The following SNX29 variants were observed in gnomAD, a reference collection of about 807,000 sequenced individuals.
SNX29 encodes the protein sorting nexin 29, also known as sorting nexin-29.
A neutral mutation model predicts 102.1 loss-of-function variants in SNX29; 78 were observed. The ratio of observed to expected loss-of-function variants is 0.76; its 90% CI spans 0.64 to 0.92. SNX29 has a LOEUF of 0.92. Ranked by LOEUF, SNX29 falls within the 40% of genes least tolerant of loss-of-function variation. The pLI, the probability that SNX29 is intolerant of heterozygous loss-of-function variation, is 0.00. For missense variants in SNX29, 1,280 were observed against 1,061.7 expected (o/e 1.21, Z -2.86); for synonymous variants, 580 against 414.5 (o/e 1.40, Z -4.85).
At chr16:12,086,009 C>CTTT (rs34239419) in intron 11 of SNX29, among the ~76,000 whole-genome samples, 10 of 117,376 alleles carry the variant, frequency 8.5e-5, no homozygotes, top group East Asian at 2.5e-4. Flanking sequence ...CTTGCCAATT[C>CTTT]TTTTTTTTTT....
chr16:12,042,095 AT>A (rs1343283866), intron 4 of SNX29, among the ~76,000 whole-genome samples: 3 of 152,034 alleles, frequency 2.0e-5, no homozygotes, highest in Non-Finnish European at 2.9e-5. Flanking sequence ...CAGTGGTGCA[AT>A]CTCAGCTCAC....
intron 14 of SNX29, among the ~76,000 whole-genome samples, chr16:12,260,095 C>T (rs1025434285): frequency 2.0e-5 from 3 of 152,198 alleles, no homozygotes; most frequent in African/African-American, 7.2e-5. Context: ...TCCATTGTGA[C>T]CTGACCCTAT....
chr16:12,336,304 G>A (rs1052248350), intron 15 of SNX29, among the ~76,000 whole-genome samples: 11 of 152,168 alleles, frequency 7.2e-5, no homozygotes, highest in Admixed American at 2.0e-4. Flanking sequence ...AGCATCCTGC[G>A]TTGACACAGA....
At chr16:12,062,447 T>C (rs2050818771) in intron 9 of SNX29, among the ~76,000 whole-genome samples, 1 of 151,938 alleles carries the variant, frequency 6.6e-6, no homozygotes, top group African/African-American at 2.4e-5. Context: ...GTAAGCATTT[T>C]TGCACCATTC....
intron 18 of SNX29, among the ~76,000 whole-genome samples, chr16:12,475,850 G>A (rs2087567130): frequency 6.6e-6 from 1 of 152,204 alleles, no homozygotes; most frequent in Non-Finnish European, 1.5e-5. Context: ...TATTTCAAAA[G>A]CGGCCAAAAC....
At chr16:12,335,109 C>T (rs762034644) in intron 15 of SNX29, among the ~76,000 whole-genome samples, 5 of 151,896 alleles carry the variant, frequency 3.3e-5, no homozygotes, top group Non-Finnish European at 7.4e-5. Flanking sequence ...GAGCAGGACA[C>T]TTAGCAGCAC....
chr16:12,380,291 C>G (rs2083024920), intron 16 of SNX29, among the ~76,000 whole-genome samples: 4 of 148,646 alleles, frequency 2.7e-5, no homozygotes, highest in Admixed American at 2.7e-4. Context: ...TCTCATCTAC[C>G]CCCCAACACC....
In SNX29 at chr16:12,565,203, C is replaced by T. The variant is rs143993599; in HGVS notation, c.2319-3303C>T. ...CCCCCCACCTTCAGATTCTGCTATT[C>T]AGCCAGACAGCATTACCAGTATTAG... is the stretch of plus-strand genomic sequence containing the variant. On this transcript the variant is annotated intron_variant, in intron 20 of 20. Coordinates refer to ENST00000566228, the MANE Select transcript of SNX29 (RefSeq NM_032167.5). 2.7e-3 allele frequency among the ~76,000 whole-genome samples: 409 copies of T among 152,278 alleles called. 1 individual carries two copies. Among genetic ancestry groups the T allele is most frequent in the African/African-American group, 9.3e-3 (387 of 41,532 alleles).
chr16:12,478,899 A>G (rs2087779830), intron 19 of SNX29, among the ~76,000 whole-genome samples: 1 of 152,188 alleles, frequency 6.6e-6, no homozygotes, highest in Non-Finnish European at 1.5e-5. Context: ...GCTTAGAGTC[A>G]AGAAGGAGAC....
chr16:12,277,832 G>GC, intron 14 of SNX29, 101 bp from the exon 15 acceptor site: 1 of 961,444 alleles, frequency 1.0e-6, no homozygotes, highest in Non-Finnish European at 1.6e-6. Context: ...AGCTTTTTCA[G>GC]TCTGAAGTCA....
chr16:12,200,405 A>T (rs2076883888), intron 14 of SNX29, among the ~76,000 whole-genome samples: 1 of 152,044 alleles, frequency 6.6e-6, no homozygotes, highest in African/African-American at 2.4e-5. Flanking sequence ...CAGCCAAAAG[A>T]CCGTAACAAA....
chr16:12,483,809 A>C (rs1567611007), intron 19 of SNX29, among the ~76,000 whole-genome samples: 2 of 152,190 alleles, frequency 1.3e-5, no homozygotes, highest in African/African-American at 2.4e-5. Flanking sequence ...ATGTGGCAAC[A>C]AGAACAAGGA....
intron 15 of SNX29, among the ~76,000 whole-genome samples, chr16:12,325,815 C>T (rs2081095522): frequency 6.6e-6 from 1 of 151,924 alleles, no homozygotes; most frequent in Non-Finnish European, 1.5e-5. Flanking sequence ...TTGCTTAAGG[C>T]CAGGAGTTCA....
chr16:12,561,426 G>A (rs1324390177), intron 20 of SNX29, among the ~76,000 whole-genome samples: 1 of 152,184 alleles, frequency 6.6e-6, no homozygotes, highest in Non-Finnish European at 1.5e-5. Flanking sequence ...TAGCTGGGTT[G>A]CAGGGATCCA....
intron 11 of SNX29, among the ~76,000 whole-genome samples, chr16:12,112,233 C>G (rs2053528574): frequency 6.6e-6 from 1 of 152,180 alleles, no homozygotes; most frequent in Non-Finnish European, 1.5e-5. Context: ...AGTGCCCAGT[C>G]ACGAGCCACA....
At chr16:12,522,022 GAGA>G (rs957526895) in intron 19 of SNX29, among the ~76,000 whole-genome samples, 1 of 152,094 alleles carries the variant, frequency 6.6e-6, no homozygotes, top group Non-Finnish European at 1.5e-5. Flanking sequence ...GGTGGCTTTG[GAGA>G]AGAAGACTTT....
chr16:12,540,623 G>C (rs1276601897), intron 20 of SNX29, among the ~76,000 whole-genome samples: 4 of 152,182 alleles, frequency 2.6e-5, no homozygotes, highest in African/African-American at 9.7e-5. Flanking sequence ...TGGACCTAAA[G>C]AGTCCAGGAT....
chr16:12,153,593 C>G (rs2055398680), intron 13 of SNX29, among the ~76,000 whole-genome samples: 1 of 152,014 alleles, frequency 6.6e-6, no homozygotes, highest in South Asian at 2.1e-4. Flanking sequence ...CCTGCCTCAG[C>G]CTCCCAAGTA....
chr16:12,489,814 C>CA (rs1555551495), intron 19 of SNX29, among the ~76,000 whole-genome samples: 3 of 151,774 alleles, frequency 2.0e-5, no homozygotes, highest in Admixed American at 2.0e-4. Flanking sequence ...TTGGCTTTTT[C>CA]TTTTTTTTCG....
Sources: allele counts gnomAD v4.1 joint callset (sites outside exome capture counted in the v4.1 genomes callset), GRCh38; gene constraint gnomAD v4.1.1; transcripts MANE v1.5; gene names NCBI Gene and HGNC (gene_info 2026-07-23, HGNC 2026-07-21).